The following FHIT variants were observed in gnomAD, a reference collection of about 807,000 sequenced individuals.
The protein encoded by FHIT is fragile histidine triad diadenosine triphosphatase, also known as bis(5'-adenosyl)-triphosphatase.
Under a neutral mutation model 17.9 loss-of-function variants are expected in FHIT, and 19 were observed. That is an observed-to-expected ratio of 1.06 (90% CI 0.74 to 1.56). The LOEUF (loss-of-function observed/expected upper bound fraction) is 1.56, where lower values mean the gene tolerates loss of function less well. Among genes scored for constraint, FHIT ranks in the 40% most tolerant of loss-of-function variants. The pLI is 0.00. For missense variants in FHIT, 248 were observed against 189.2 expected, an observed-to-expected ratio of 1.31 and a Z score of -1.82; for synonymous variants, 81 against 69.7, an observed-to-expected ratio of 1.16 and a Z score of -0.81.
At chr3:60,005,231 G>T (rs192872556) in intron 7 of FHIT, among the ~76,000 whole-genome samples, 2 of 152,248 alleles carry the variant, frequency 1.3e-5, no homozygotes, top group East Asian at 1.9e-4. Flanking sequence ...AAAATACTAG[G>T]GAGCTTGGTT....
At chr3:60,837,286 G>A (rs1241777998) in intron 3 of FHIT, among the ~76,000 whole-genome samples, 1 of 152,138 alleles carries the variant, frequency 6.6e-6, no homozygotes, top group Non-Finnish European at 1.5e-5. Context: ...AAAACCAAGA[G>A]AAGAGAAAAA....
At chr3:61,146,565 T>C (rs1268815133) in intron 2 of FHIT, among the ~76,000 whole-genome samples, 3 of 152,084 alleles carry the variant, frequency 2.0e-5, no homozygotes, top group East Asian at 1.9e-4. Flanking sequence ...CAACAGCCCA[T>C]AGAAGATTGC....
intron 5 of FHIT, among the ~76,000 whole-genome samples, chr3:60,514,555 G>T (rs1033276989): frequency 1.1e-4 from 16 of 152,156 alleles, no homozygotes; most frequent in African/African-American, 3.6e-4. Flanking sequence ...TTAACACCAG[G>T]TGACGGGTTG....
intron 4 of FHIT, among the ~76,000 whole-genome samples, chr3:60,809,937 A>AT (rs1218107145): frequency 6.6e-6 from 1 of 152,130 alleles, no homozygotes; most frequent in Non-Finnish European, 1.5e-5. Context: ...GGGCATTGGT[A>AT]TTTTTTAAAG....
intron 5 of FHIT, among the ~76,000 whole-genome samples, chr3:60,267,546 G>C (rs1406152877): frequency 6.6e-6 from 1 of 151,964 alleles, no homozygotes; most frequent in African/African-American, 2.4e-5. Context: ...AAAAGATGCA[G>C]CATGTTTATC....
rs1341138254 is a variant in FHIT, at chr3:59,932,519, T to C, written c.280-10105A>G. On this transcript the variant is annotated intron_variant, in intron 7 of 9. Transcript: ENST00000492590. ...AGACTAGGAAAGGGAGCTGTTGTCA[T>C]AGTTCTGTCACCTTTCCTATTTTAA... Among the ~76,000 whole-genome samples the C allele has an allele frequency of 2.0e-5, 3 of 152,302 alleles. No individual in the cohort carries two copies. The South Asian group carries it at 6.2e-4, about 32-fold the overall frequency.
intron 1 of FHIT, among the ~76,000 whole-genome samples, chr3:61,202,256 A>C (rs1576203158): frequency 6.8e-6 from 1 of 148,096 alleles, no homozygotes; most frequent in Non-Finnish European, 1.5e-5. Context: ...CGGCCGCCCA[A>C]CTATCTGGGA....
intron 7 of FHIT, among the ~76,000 whole-genome samples, chr3:59,985,726 G>C (rs988725361): frequency 2.0e-5 from 3 of 152,142 alleles, no homozygotes; most frequent in Non-Finnish European, 4.4e-5. Flanking sequence ...AAAGCAGGGT[G>C]AGCAAATATA....
chr3:60,475,809 G>A (rs1398726255), intron 5 of FHIT, among the ~76,000 whole-genome samples: 1 of 152,174 alleles, frequency 6.6e-6, no homozygotes. Flanking sequence ...GACCTCATGT[G>A]ATGGGTCATA....
chr3:59,774,205 C>T (rs1323780201), intron 8 of FHIT, among the ~76,000 whole-genome samples: 3 of 152,112 alleles, frequency 2.0e-5, no homozygotes, highest in Non-Finnish European at 4.4e-5. Context: ...GGTAAAGGGG[C>T]TTTTATTGGA....
intron 3 of FHIT, among the ~76,000 whole-genome samples, 198 bp downstream of exon 3, chr3:61,041,849 G>A (rs1337531562): frequency 6.6e-6 from 1 of 152,152 alleles, no homozygotes; most frequent in Non-Finnish European, 1.5e-5. Context: ...TGAAAAAAGT[G>A]AGAATTTCAA....
chr3:61,191,242 A>C (rs2038708020), intron 2 of FHIT, among the ~76,000 whole-genome samples: 1 of 152,148 alleles, frequency 6.6e-6, no homozygotes, highest in Admixed American at 6.6e-5. Flanking sequence ...TGAGATTAGC[A>C]TTTAAACAGA....
chr3:61,178,561 AG>A (rs1349494527), intron 2 of FHIT, among the ~76,000 whole-genome samples: 8 of 832 alleles, frequency 9.6e-3, no homozygotes. Flanking sequence ...TTGTAATTAT[AG>A]GTTAATTCAC....
intron 5 of FHIT, among the ~76,000 whole-genome samples, chr3:60,510,569 A>G (rs9863826): frequency 0.59 from 88,826 of 151,756 alleles, 26,169 homozygotes; most frequent in Admixed American, 0.61. Flanking sequence ...TAGATGGACT[A>G]GGAAGAATTT....
At chr3:60,963,049 C>T (rs1022280168) in intron 3 of FHIT, among the ~76,000 whole-genome samples, 2 of 152,124 alleles carry the variant, frequency 1.3e-5, no homozygotes, top group African/African-American at 2.4e-5. Context: ...GCTGTGAATC[C>T]ATCTGGTCCT....
intron 8 of FHIT, among the ~76,000 whole-genome samples, chr3:59,813,085 T>C (rs1343565013): frequency 6.6e-6 from 1 of 152,248 alleles, no homozygotes; most frequent in Non-Finnish European, 1.5e-5. Flanking sequence ...ATGTCATTAC[T>C]CCTGTTACTG....
intron 5 of FHIT, among the ~76,000 whole-genome samples, chr3:60,233,085 G>C (rs1247711736): frequency 6.6e-6 from 1 of 152,140 alleles, no homozygotes; most frequent in African/African-American, 2.4e-5. Context: ...GATAGACCAT[G>C]AGCTGATAAT....
chr3:59,935,852 T>C (rs1391261718), intron 7 of FHIT, among the ~76,000 whole-genome samples: 2 of 152,222 alleles, frequency 1.3e-5, no homozygotes, highest in African/African-American at 4.8e-5. Flanking sequence ...ATATATGCAC[T>C]GATTTTCTTC....
At chr3:59,977,944 A>G (rs753319718) in intron 7 of FHIT, among the ~76,000 whole-genome samples, 3 of 152,168 alleles carry the variant, frequency 2.0e-5, no homozygotes, top group Non-Finnish European at 2.9e-5. Context: ...TTCTTAGACG[A>G]AAGACAGTCA....
Sources: gnomAD v4.1 joint callset for allele counts (sites outside exome capture counted in the v4.1 genomes callset) on GRCh38, gnomAD v4.1.1 for gene constraint, MANE v1.5 for transcripts, NCBI Gene and HGNC (gene_info 2026-07-23, HGNC 2026-07-21) for gene names.